The following TMCO5A variants were observed in gnomAD, a reference collection of about 807,000 sequenced individuals.
TMCO5A encodes transmembrane and coiled-coil domains 5A.
A neutral mutation model predicts 42.3 loss-of-function variants in TMCO5A; 34 were observed. The ratio of observed to expected loss-of-function variants is 0.80; its 90% CI spans 0.61 to 1.07. The LOEUF (loss-of-function observed/expected upper bound fraction) is 1.07. Among genes scored for constraint, TMCO5A ranks in the 50% least tolerant of loss-of-function variants. The probability of loss-of-function intolerance (pLI) is 0.00; values close to 1 mark genes in which losing one functional copy is unlikely to be tolerated. For missense variants in TMCO5A, 357 were observed against 327.9 expected (o/e 1.09, Z -0.69); for synonymous variants, 131 against 115.6 (o/e 1.13, Z -0.86).
At position 37,938,225 on chromosome 15, in the gene TMCO5A, C is replaced by T. The variant is rs371459019; in HGVS notation, c.383C>T (p.Thr128Ile). ...QSSPDGALEE[T>I]KVKLQQLEAS... is the part of the protein sequence containing the mutation. ...AGTCCAGATGGAGCCCTAGAAGAGACAAAGGTAAATGAAAAAAACAATCCT... is the reference window on the plus strand; with the variant it reads ...AGTCCAGATGGAGCCCTAGAAGAGATAAAGGTAAATGAAAAAAACAATCCT... The change falls in exon 6 of 12, where the codon ACA becomes ATA. Residue 128 changes from threonine (T) to isoleucine (I), a missense_variant. Coordinates refer to ENST00000319669, the MANE Select transcript of TMCO5A (RefSeq NM_152453.4). 13 of 1,554,534 alleles carry T rather than the reference C, an allele frequency of 8.4e-6. No individual in the cohort carries two copies. In the African/African-American group the frequency reaches 2.1e-4, roughly 25 times the overall value.
chr15:38,019,912 C>A, the TMCO5A span, among the ~76,000 whole-genome samples: 1 of 151,942 alleles, frequency 6.6e-6, no homozygotes, highest in Non-Finnish European at 1.5e-5. Context: ...CCATGCCCAG[C>A]TGTGGTTCTA....
chr15:37,942,105 T>G, intron 8 of TMCO5A, 86 bp from the exon 9 acceptor site: 3 of 1,229,166 alleles, frequency 2.4e-6, no homozygotes, highest in South Asian at 1.3e-5. Context: ...ATTCATGGTA[T>G]CATGTAATAA....
At chr15:37,963,237 T>C (rs914746989) in intron 11 of TMCO5A, among the ~76,000 whole-genome samples, 3 of 152,146 alleles carry the variant, frequency 2.0e-5, no homozygotes, top group African/African-American at 7.2e-5. Context: ...CTCAGATGTT[T>C]TGACAGGTTG....
chr15:38,007,415 A>T, the TMCO5A span, among the ~76,000 whole-genome samples: 75 of 152,336 alleles, frequency 4.9e-4, 1 homozygote, highest in East Asian at 0.013. Context: ...ATCTCCAGGA[A>T]CCACAGCAAT....
chr15:37,943,574 GA>G, intron 10 of TMCO5A, 176 bp downstream of exon 10: 1 of 577,002 alleles, frequency 1.7e-6, no homozygotes, highest in African/African-American at 1.9e-5. Context: ...AGACTCTAAG[GA>G]ACAATCTACT....
intron 10 of TMCO5A, chr15:37,943,685 A>G: frequency 5.4e-6 from 2 of 373,758 alleles, no homozygotes; most frequent in Non-Finnish European, 9.9e-6. Flanking sequence ...AATTGAGGGT[A>G]TGCTCTATAG....
At chr15:38,002,982 G>A in the TMCO5A span, among the ~76,000 whole-genome samples, 787 of 152,212 alleles carry the variant, frequency 5.2e-3, 7 homozygotes, top group African/African-American at 0.017. Flanking sequence ...GAGCTTGTTT[G>A]TGCCCATCCT....
At chr15:37,984,748 A>G in the TMCO5A span, 2 of 144,396 alleles carry the variant, frequency 1.4e-5, no homozygotes, top group Admixed American at 7.3e-5. Context: ...ACACAGCAAC[A>G]AGCTGCCCTC....
chr15:37,961,403 C>T (rs541973559), intron 11 of TMCO5A, among the ~76,000 whole-genome samples: 40 of 151,926 alleles, frequency 2.6e-4, no homozygotes, highest in Non-Finnish European at 4.7e-4. Flanking sequence ...GGTCTATGTG[C>T]CTATTTTTAT....
At chr15:37,991,104 T>C in the TMCO5A span, among the ~76,000 whole-genome samples, 1 of 152,150 alleles carries the variant, frequency 6.6e-6, no homozygotes, top group South Asian at 2.1e-4. Flanking sequence ...TCTTAAATCA[T>C]GTAGAAAACA....
the TMCO5A span, among the ~76,000 whole-genome samples, chr15:37,984,538 G>T: frequency 1.3e-5 from 2 of 152,138 alleles, no homozygotes; most frequent in African/African-American, 4.8e-5. Context: ...GTTGCTTCTT[G>T]TTGACTGGTT....
At chr15:37,957,709 C>T (rs566079771) in intron 11 of TMCO5A, among the ~76,000 whole-genome samples, 27 of 152,136 alleles carry the variant, frequency 1.8e-4, no homozygotes, top group African/African-American at 4.6e-4. Flanking sequence ...CAAGCTACCA[C>T]TGACTTTATT....
At chr15:37,953,132 G>A (rs1279168821), downstream of TMCO5A, among the ~76,000 whole-genome samples, 3 of 152,146 alleles carry the variant, frequency 2.0e-5, no homozygotes, top group Admixed American at 2.0e-4. Flanking sequence ...CAGGGCCAGG[G>A]GTAACTCACC....
chr15:37,972,442 A>T (rs1158835649), downstream of TMCO5A, among the ~76,000 whole-genome samples: 10 of 152,104 alleles, frequency 6.6e-5, no homozygotes, highest in Non-Finnish European at 1.5e-4. Context: ...CTTTGTCAGC[A>T]TTTGTTATTT....
chr15:37,968,740 G>C (rs1024862497), downstream of TMCO5A, among the ~76,000 whole-genome samples: 3 of 151,700 alleles, frequency 2.0e-5, no homozygotes, highest in East Asian at 3.9e-4. Flanking sequence ...CCACCACCAC[G>C]CCCGGCTAAT....
downstream of TMCO5A, among the ~76,000 whole-genome samples, chr15:37,970,540 C>T (rs538731983): frequency 3.3e-5 from 5 of 152,308 alleles, no homozygotes; most frequent in Non-Finnish European, 7.3e-5. Flanking sequence ...CATGCCTTTC[C>T]TACAGTCCCC....
At chr15:37,966,663 A>G in exon 12 of TMCO5A, 1 of 702,942 alleles carries the variant, frequency 1.4e-6, no homozygotes, top group East Asian at 2.7e-5. Flanking sequence ...GGCTGCCAAC[A>G]ATCCAGATCT....
At chr15:37,937,052 C>T (rs1889543347) in intron 4 of TMCO5A, 82 bp downstream of exon 4, 2 of 1,567,142 alleles carry the variant, frequency 1.3e-6, no homozygotes, top group Admixed American at 3.5e-5. Flanking sequence ...AAGCTTGTCT[C>T]TCCTTTTTAT....
chr15:38,020,025 C>A, the TMCO5A span, among the ~76,000 whole-genome samples: 1 of 151,572 alleles, frequency 6.6e-6, no homozygotes, highest in African/African-American at 2.4e-5. Context: ...CAGGACCTTG[C>A]TCTGTCACCC....
Sources: allele counts gnomAD v4.1 joint callset (sites outside exome capture counted in the v4.1 genomes callset), GRCh38; gene constraint gnomAD v4.1.1; transcripts MANE v1.5; gene names NCBI Gene and HGNC (gene_info 2026-07-23, HGNC 2026-07-21).